MACROD2: variants seen among roughly 807,000 people sequenced by gnomAD.
MACROD2 encodes mono-ADP ribosylhydrolase 2, also known as ADP-ribose glycohydrolase MACROD2.
In MACROD2, 36 loss-of-function variants were observed where a neutral mutation model predicts 70.4. The ratio of observed to expected loss-of-function variants is 0.51; its 90% CI spans 0.39 to 0.68. MACROD2 has a LOEUF of 0.68. MACROD2 is among the 30% of genes least tolerant of loss of function. MACROD2 has a pLI of 0.00. For synonymous variants in MACROD2, 172 were observed against 178.8 expected (o/e 0.96, Z 0.30); for missense variants, 496 against 538.4 (o/e 0.92, Z 0.78).
At chr20:14,559,627 A>G (rs533575644) in intron 4 of MACROD2, among the ~76,000 whole-genome samples, 1 of 151,800 alleles carries the variant, frequency 6.6e-6, no homozygotes, top group Non-Finnish European at 1.5e-5. Flanking sequence ...TAACTTACTG[A>G]TACTAAAATG....
chr20:15,512,851 G>T (rs1318464133), intron 8 of MACROD2, among the ~76,000 whole-genome samples: 1 of 152,110 alleles, frequency 6.6e-6, no homozygotes, highest in Non-Finnish European at 1.5e-5. Flanking sequence ...AATATTTTCT[G>T]CTGTTCAAAA....
intron 4 of MACROD2, among the ~76,000 whole-genome samples, chr20:14,595,871 A>C: frequency 6.6e-6 from 1 of 152,320 alleles, no homozygotes; most frequent in Non-Finnish European, 1.5e-5. Context: ...TCTATACAAA[A>C]CATATATATT....
At chr20:14,056,265 C>CATT (rs1446190450) in intron 2 of MACROD2, among the ~76,000 whole-genome samples, 2 of 151,980 alleles carry the variant, frequency 1.3e-5, no homozygotes. Context: ...CCCCCTTTAT[C>CATT]ATTACATTTA....
chr20:14,348,278 A>AAAAAT (rs755694830), intron 3 of MACROD2, among the ~76,000 whole-genome samples: 6,016 of 143,878 alleles, frequency 0.042, 264 homozygotes, highest in African/African-American at 0.1. Context: ...CAAAAAAAAA[A>AAAAAT]AAATAAATAA....
intron 6 of MACROD2, among the ~76,000 whole-genome samples, chr20:15,370,705 G>C (rs1281561515): frequency 1.3e-5 from 2 of 152,010 alleles, no homozygotes; most frequent in African/African-American, 4.8e-5. Flanking sequence ...AAAATAAGAT[G>C]TCTTCTTCTT....
intron 5 of MACROD2, among the ~76,000 whole-genome samples, chr20:14,700,199 T>TTGTG (rs1426224213): frequency 1.3e-5 from 2 of 152,206 alleles, no homozygotes; most frequent in East Asian, 3.9e-4. Context: ...TAACCATATT[T>TTGTG]TGTGTGTGTG....
At chr20:14,612,792 T>C (rs1410073850) in intron 4 of MACROD2, among the ~76,000 whole-genome samples, 2 of 152,110 alleles carry the variant, frequency 1.3e-5, no homozygotes, top group Non-Finnish European at 1.5e-5. Context: ...TTTTTTAAAT[T>C]CTAAAAGTAT....
At chr20:14,205,603 A>G (rs1010795600) in intron 3 of MACROD2, among the ~76,000 whole-genome samples, 3 of 152,338 alleles carry the variant, frequency 2.0e-5, no homozygotes, top group African/African-American at 7.2e-5. Flanking sequence ...GTTAAGGGAC[A>G]GAATTTTTTA....
chr20:14,925,568 T>C (rs1043793807), intron 5 of MACROD2, among the ~76,000 whole-genome samples: 2 of 152,178 alleles, frequency 1.3e-5, no homozygotes, highest in African/African-American at 2.4e-5. Flanking sequence ...CCATTGGAAA[T>C]TGGCAGAATA....
In MACROD2 at chr20:15,054,946, C is replaced by CTT. The variant is rs10673344; in HGVS notation, c.419-174975_419-174974dup. ...TACAGGCTTGTGCCGCCACATCTAG[C>CTT]TTTTTTTTTTTTTTTTTTTTGAGAT... On this transcript the variant is annotated intron_variant, in intron 5 of 17. Transcript: ENST00000684519. Among the ~76,000 whole-genome samples, 526 of 120,716 alleles carry CTT rather than the reference C, an allele frequency of 4.4e-3. 25 individuals carry two copies. The highest frequency in any genetic ancestry group is 0.017 in the African/African-American group (453 of 27,150). 79.2% of individuals were successfully genotyped at this position (120,716 alleles called of 152,430 possible).
At chr20:14,473,388 C>T (rs755604873) in intron 3 of MACROD2, among the ~76,000 whole-genome samples, 4 of 152,154 alleles carry the variant, frequency 2.6e-5, no homozygotes, top group Middle Eastern at 3.2e-3. Flanking sequence ...TTCACATATA[C>T]GTGAGGTCAT....
intron 6 of MACROD2, among the ~76,000 whole-genome samples, chr20:15,371,047 C>T (rs115366998): frequency 0.017 from 2,593 of 152,220 alleles, 76 homozygotes; most frequent in African/African-American, 0.06. Flanking sequence ...CTTCCATCCA[C>T]AGGTTACCTG....
chr20:15,793,124 T>TGTGTGTGTGTGCATGCGC (rs368082962), intron 8 of MACROD2, among the ~76,000 whole-genome samples: 22,429 of 151,844 alleles, frequency 0.15, 1,919 homozygotes, highest in East Asian at 0.31. Context: ...AAAAAGACTG[T>TGTGTGTGTGTGCATGCGC]GTGTGTGTGT....
At chr20:14,296,348 A>G (rs376037593) in intron 3 of MACROD2, among the ~76,000 whole-genome samples, 2 of 152,102 alleles carry the variant, frequency 1.3e-5, no homozygotes, top group East Asian at 3.9e-4. Context: ...GACATGTACA[A>G]GAAGTTCATG....
At chr20:15,980,063 G>A (rs928021751) in intron 13 of MACROD2, among the ~76,000 whole-genome samples, 2 of 152,222 alleles carry the variant, frequency 1.3e-5, no homozygotes, top group Non-Finnish European at 2.9e-5. Flanking sequence ...AGCAAGCAGG[G>A]GGTACGTGGC....
chr20:14,081,599 T>C (rs898661312), intron 2 of MACROD2, among the ~76,000 whole-genome samples: 1 of 152,312 alleles, frequency 6.6e-6, no homozygotes, highest in Non-Finnish European at 1.5e-5. Context: ...TTTTGTCTTA[T>C]TTATTACTGA....
intron 15 of MACROD2, among the ~76,000 whole-genome samples, chr20:16,031,919 T>C (rs1168504016): frequency 1.3e-5 from 2 of 151,964 alleles, no homozygotes; most frequent in Non-Finnish European, 2.9e-5. Flanking sequence ...AGAGAGAGAA[T>C]GAAAGAGATG....
chr20:14,091,432 T>A (rs2054147785), intron 3 of MACROD2, among the ~76,000 whole-genome samples: 1 of 152,152 alleles, frequency 6.6e-6, no homozygotes, highest in African/African-American at 2.4e-5. Context: ...AGGGTGACTG[T>A]AATAAATAAT....
intron 3 of MACROD2, among the ~76,000 whole-genome samples, chr20:14,198,374 T>A (rs2148745359): frequency 6.6e-6 from 1 of 152,356 alleles, no homozygotes; most frequent in East Asian, 1.9e-4. Context: ...GCTTCTAATT[T>A]GAATCTATGA....
Sources: gnomAD v4.1 joint callset for allele counts (sites outside exome capture counted in the v4.1 genomes callset) on GRCh38, gnomAD v4.1.1 for gene constraint, MANE v1.5 for transcripts, NCBI Gene and HGNC (gene_info 2026-07-23, HGNC 2026-07-21) for gene names.